Variants in OSBPL7 observed in about 807,000 individuals in gnomAD.
OSBPL7 encodes oxysterol binding protein like 7.
Under a neutral mutation model 115.8 loss-of-function variants are expected in OSBPL7, and 66 were observed. The ratio of observed to expected loss-of-function variants is 0.57; its 90% CI spans 0.47 to 0.70. OSBPL7 has a LOEUF of 0.70. Among genes scored for constraint, OSBPL7 ranks in the 30% least tolerant of loss-of-function variants. The pLI is 0.00. For missense variants in OSBPL7, 902 were observed against 1,125.5 expected, an observed-to-expected ratio of 0.80 and a Z score of 2.84; for synonymous variants, 441 against 439.2, an observed-to-expected ratio of 1.00 and a Z score of -0.05.
rs754732318 is a variant in OSBPL7 at position 47,808,425 on chromosome 17, AG to A, written c.2421-27del. On this transcript the variant is annotated intron_variant, in intron 22 of 22. Coordinates refer to ENST00000007414, the MANE Select transcript of OSBPL7 (RefSeq NM_145798.3). The surrounding 1 kb of genome is among the most constrained non-coding windows in gnomAD (Gnocchi z 6.1). ...CTGGTGGGAGAAGGCGGTGGCAGTG[AG>A]GGGTGAACATCTAGAAGGCAGGCTA... The A allele has an allele frequency of 6.2e-7, 1 of 1,613,856 alleles. No homozygotes were observed. The highest frequency in any genetic ancestry group is 8.5e-7 in the Non-Finnish European group (1 of 1,179,766).
At chr17:47,819,921 T>TAA in intron 3 of OSBPL7, 50 bp downstream of exon 3, 8 of 1,343,814 alleles carry the variant, frequency 6.0e-6, no homozygotes, top group Non-Finnish European at 7.3e-6. Context: ...TGCCCCCCAT[T>TAA]CCCACCCCGC....
chr17:47,817,395 CA>C, intron 7 of OSBPL7, 36 bp from the exon 8 acceptor site: 2 of 1,480,492 alleles, frequency 1.4e-6, no homozygotes, highest in Admixed American at 2.0e-5. Context: ...GAACACCATT[CA>C]TTTTTTTTTT....
At chr17:47,819,921 TCCC>T in intron 3 of OSBPL7, 47 bp downstream of exon 3, 181 of 1,343,462 alleles carry the variant, frequency 1.3e-4, no homozygotes, top group Middle Eastern at 2.4e-4. Context: ...TGCCCCCCAT[TCCC>T]ACCCCGCCCC....
chr17:47,811,738 C>G (rs62076104), intron 16 of OSBPL7, among the ~76,000 whole-genome samples: 9 of 152,132 alleles, frequency 5.9e-5, no homozygotes, highest in Non-Finnish European at 1.3e-4. Flanking sequence ...CCTGCTCCCA[C>G]TGATGCCCCC....
At chr17:47,810,877 C>A in intron 16 of OSBPL7, 42 bp from the exon 17 acceptor site, 1 of 1,592,296 alleles carries the variant, frequency 6.3e-7, no homozygotes, top group Non-Finnish European at 8.6e-7. Context: ...TCCCCGAGCA[C>A]CATTAGGCTA....
At position 47,816,531 on chromosome 17, in the gene OSBPL7, C is replaced by T. The variant is rs760824584; in HGVS notation, c.928+32G>A. On this transcript the variant is annotated intron_variant, in intron 10 of 22. Coordinates refer to ENST00000007414, the MANE Select transcript of OSBPL7 (RefSeq NM_145798.3). The surrounding 1 kb of genome is among the most constrained non-coding windows in gnomAD (Gnocchi z 5.8). Reference sequence around the variant, plus strand: ...CAGAGTCCTCGCTCGCTCCTGTCCGCTCCCCACCAGCCCCTCCCAGCAGGC... The same window carrying T: ...CAGAGTCCTCGCTCGCTCCTGTCCGTTCCCCACCAGCCCCTCCCAGCAGGC... The T allele has an allele frequency of 1.3e-6, 2 of 1,591,570 alleles. No individual in the cohort carries two copies. Among genetic ancestry groups the T allele is most frequent in the Non-Finnish European group, 1.7e-6 (2 of 1,168,974 alleles).
chr17:47,820,295 A>G lies in OSBPL7; in HGVS notation c.-17T>C, dbSNP rs2033360411. ...GAAGTCCATGGAGAAGGGAGAGGCCACTCCCTGCTGGGGATGTAGAGCAGG... is the reference window on the plus strand; with the variant it reads ...GAAGTCCATGGAGAAGGGAGAGGCCGCTCCCTGCTGGGGATGTAGAGCAGG... On this transcript the variant is annotated 5_prime_UTR_variant, in exon 2 of 23. Coordinates refer to ENST00000007414, the MANE Select transcript of OSBPL7 (RefSeq NM_145798.3). The G allele has an allele frequency of 6.2e-7, 1 of 1,610,266 alleles. No homozygotes were observed. The highest frequency in any genetic ancestry group is 8.5e-7 in the Non-Finnish European group (1 of 1,177,958).
Position 47,816,094 on chromosome 17 carries a change from C to T in OSBPL7, c.1119+13G>A, listed in dbSNP as rs763280765. The T allele has an allele frequency of 2.5e-5, 39 of 1,546,532 alleles. 1 individual carries two copies. The South Asian group carries it at 3.9e-4, about 16-fold the overall frequency. On this transcript the variant is annotated intron_variant, in intron 12 of 22. Coordinates refer to ENST00000007414, the MANE Select transcript of OSBPL7 (RefSeq NM_145798.3). The surrounding 1 kb of genome is among the most constrained non-coding windows in gnomAD (Gnocchi z 5.8). Reference sequence around the variant, plus strand: ...AGGAGAATCGGCCCCCACAGCCCACCCTGGCTCCTCACCTCCTCAGGGTTG... The same window carrying T: ...AGGAGAATCGGCCCCCACAGCCCACTCTGGCTCCTCACCTCCTCAGGGTTG...
At chr17:47,817,016 A>AG in intron 8 of OSBPL7, 144 bp from the exon 9 acceptor site, 1 of 817,282 alleles carries the variant, frequency 1.2e-6, no homozygotes, top group Non-Finnish European at 2.0e-6. Flanking sequence ...CCGCTCAGGC[A>AG]GGGCGACAGA....
Position 47,817,356 on chromosome 17 carries a change from A to G in OSBPL7, c.602T>C (p.Leu201Pro). The G allele has an allele frequency of 1.3e-6, 2 of 1,599,028 alleles. No individual in the cohort carries two copies. The highest frequency in any genetic ancestry group is 1.7e-6 in the Non-Finnish European group (2 of 1,175,166). ...CTGGAGCTTCCCCTGACACTCAGAG[A>G]GCTCTGCGGGGAAAAAGAACAAGAA... is the stretch of plus-strand genomic sequence containing the variant. ...SDGLDRCSHE[L>P]SECQGKLQEL... The change falls in exon 8 of 23, where the codon CTC becomes CCC. Residue 201 changes from leucine (L) to proline (P), a missense_variant. By Grantham distance (98) the Leu-to-Pro change is moderately conservative. This residue lies in a region of OSBPL7 where 667 missense variants were observed against 788.7 expected (regional missense o/e 0.85). Transcript: ENST00000007414.
At chr17:47,819,907 C>A in intron 3 of OSBPL7, 64 bp downstream of exon 3, 2 of 1,597,854 alleles carry the variant, frequency 1.3e-6, no homozygotes, top group Admixed American at 1.7e-5. Context: ...GACTGCCCAG[C>A]AGCTGCCCCC....
intron 12 of OSBPL7, 83 bp from the exon 13 acceptor site, chr17:47,815,435 C>T: frequency 6.4e-7 from 1 of 1,566,264 alleles, no homozygotes; most frequent in Non-Finnish European, 8.6e-7. Context: ...TGACAGTTCC[C>T]TTGAGAGGGA....
chr17:47,809,765 C>T (rs1567938597), intron 18 of OSBPL7, among the ~76,000 whole-genome samples: 1 of 152,204 alleles, frequency 6.6e-6, no homozygotes, highest in Non-Finnish European at 1.5e-5. Context: ...ACCGTGTGTA[C>T]GTTCACATCC....
At chr17:47,814,855 T>G in intron 13 of OSBPL7, 1 of 580,406 alleles carries the variant, frequency 1.7e-6, no homozygotes, top group Non-Finnish European at 3.1e-6. Context: ...CTCAGGGACT[T>G]GATGGGACAC....
intron 5 of OSBPL7, 51 bp downstream of exon 5, chr17:47,818,935 G>T: frequency 1.4e-6 from 2 of 1,475,006 alleles, no homozygotes; most frequent in Non-Finnish European, 1.9e-6. Context: ...GTGTTCCAAT[G>T]CCTCTGTCAG....
chr17:47,819,210 C>A, intron 4 of OSBPL7, 111 bp from the exon 5 acceptor site: 1 of 808,638 alleles, frequency 1.2e-6, no homozygotes, highest in South Asian at 1.5e-5. Flanking sequence ...GTGGCAGGTT[C>A]ACCCTCATGT....
In OSBPL7 at chr17:47,808,463, T is replaced by G. The variant is rs1598009979; in HGVS notation, c.2421-64A>C. On this transcript the variant is annotated intron_variant, in intron 22 of 22. Coordinates refer to ENST00000007414, the MANE Select transcript of OSBPL7 (RefSeq NM_145798.3). The surrounding 1 kb of genome is among the most constrained non-coding windows in gnomAD (Gnocchi z 6.1). ...TAGAAGGCAGGCTAGGGTCCTAAGG[T>G]GCTGCCTCCCACACCTGCCCTGCTC... 1 of 1,613,742 alleles carries G rather than the reference T, an allele frequency of 6.2e-7. No homozygotes were observed. The highest frequency in any genetic ancestry group is 8.5e-7 in the Non-Finnish European group (1 of 1,179,708).
In OSBPL7 at chr17:47,810,672, T is replaced by C. The variant is rs192092778; in HGVS notation, c.1802A>G (p.Asp601Gly). The C allele has an allele frequency of 6.2e-7, 1 of 1,613,836 alleles. No homozygotes were observed. Among genetic ancestry groups the C allele is most frequent in the East Asian group, 2.2e-5 (1 of 44,878 alleles). ...AESENFAFWQ[D>G]MKWKNKFWGK... ...CCAGAACTTGTTCTTCCACTTCATATCTGGAATTGGATTAGGGGAGGGAGA... is the reference window on the plus strand; with the variant it reads ...CCAGAACTTGTTCTTCCACTTCATACCTGGAATTGGATTAGGGGAGGGAGA... Residue 601 changes from aspartate (D) to glycine (G), a missense_variant and splice_region_variant, in exon 18 of 23, where the codon GAT (aspartate) becomes GGT (glycine). Physicochemically the swap from Asp to Gly is moderately conservative, Grantham distance 94 (BLOSUM62 -1). Around this residue, in one of 3 missense-constraint regions of OSBPL7, gnomAD observed 5 missense variants for 24.0 expected, o/e 0.21. Coordinates refer to ENST00000007414, the MANE Select transcript of OSBPL7 (RefSeq NM_145798.3).
At chr17:47,814,637 C>T (rs1691829682) in intron 13 of OSBPL7, 23 bp from the exon 14 acceptor site, 4 of 1,610,366 alleles carry the variant, frequency 2.5e-6, no homozygotes, top group African/African-American at 1.3e-5. Context: ...AGATGACAGG[C>T]CGGGCAGACT....
Sources: gnomAD v4.1 joint callset for allele counts (sites outside exome capture counted in the v4.1 genomes callset) on GRCh38, gnomAD v4.1.1 for gene constraint, gnomAD v4.1.1 regional missense constraint, Gnocchi (gnomAD v3.1) non-coding constraint, MANE v1.5 for transcripts, NCBI Gene and HGNC (gene_info 2026-07-23, HGNC 2026-07-21) for gene names.